The following INSL6 variants were observed in gnomAD, a reference collection of about 807,000 sequenced individuals.
The protein encoded by INSL6 is insulin-like peptide INSL6.
In INSL6, 16 loss-of-function variants were observed where a neutral mutation model predicts 9.4. The observed-to-expected ratio is 1.70, with a 90% CI of 1.15 to 2.59. INSL6 has a LOEUF of 2.59. Ranked by LOEUF, INSL6 falls within the 30% of genes most tolerant of loss-of-function variation. INSL6 has a pLI of 0.00. For synonymous variants in INSL6, 154 were observed against 96.9 expected (o/e 1.59, Z -3.46); for missense variants, 391 against 257.3 (o/e 1.52, Z -3.56).
chr9:5,167,088 G>A (rs537549793), intron 1 of INSL6, among the ~76,000 whole-genome samples: 4 of 152,192 alleles, frequency 2.6e-5, no homozygotes, highest in African/African-American at 7.2e-5. Flanking sequence ...TAGGAGGTTG[G>A]CGTGACTCAG....
intron 3 of INSL6, chr9:5,126,102 T>A (rs1823976359): frequency 2.7e-6 from 1 of 373,188 alleles, no homozygotes; most frequent in East Asian, 4.2e-5. Context: ...TTTTGAGCCC[T>A]CCTCAGGGGA....
the INSL6 span, among the ~76,000 whole-genome samples, chr9:4,998,546 T>C: frequency 6.6e-5 from 10 of 151,966 alleles, no homozygotes; most frequent in South Asian, 2.1e-4. Context: ...TGAGCCACCA[T>C]GCCCGGCCAA....
At chr9:5,064,360 T>C in the INSL6 span, among the ~76,000 whole-genome samples, 1 of 152,138 alleles carries the variant, frequency 6.6e-6, no homozygotes. Flanking sequence ...CGAGAACCTG[T>C]CTTTACTAAA....
chr9:5,128,118 G>A (rs1032506824), intron 3 of INSL6: 1 of 203,128 alleles, frequency 4.9e-6, no homozygotes, highest in Non-Finnish European at 9.6e-6. Flanking sequence ...GTGTGTGTGT[G>A]TGTTATTTAT....
At chr9:4,999,062 T>C in the INSL6 span, among the ~76,000 whole-genome samples, 4 of 152,076 alleles carry the variant, frequency 2.6e-5, no homozygotes, top group African/African-American at 7.2e-5. Context: ...CCTGACCTTG[T>C]GATCCACCTG....
intron 1 of INSL6, among the ~76,000 whole-genome samples, chr9:5,181,619 T>G (rs1162486790): frequency 6.6e-6 from 1 of 152,176 alleles, no homozygotes; most frequent in African/African-American, 2.4e-5. Context: ...CTTAATTATA[T>G]AAAAGTTAAG....
At chr9:5,112,164 A>G in the INSL6 span, 1 of 276,762 alleles carries the variant, frequency 3.6e-6, no homozygotes, top group Non-Finnish European at 7.3e-6. Context: ...ACACGCTGCT[A>G]CCCGGCCACC....
chr9:5,135,306 A>C (rs1824370240), intron 2 of INSL6, among the ~76,000 whole-genome samples: 2 of 152,118 alleles, frequency 1.3e-5, no homozygotes, highest in Non-Finnish European at 2.9e-5. Context: ...GATATCCAGG[A>C]CTTGAACTCA....
intron 3 of INSL6, among the ~76,000 whole-genome samples, chr9:5,128,720 C>CT (rs1379529915): frequency 6.6e-6 from 1 of 151,866 alleles, no homozygotes; most frequent in Non-Finnish European, 1.5e-5. Context: ...CAAGAGACTT[C>CT]TTTTCATTGA....
At chr9:5,025,537 C>CTT in the INSL6 span, among the ~76,000 whole-genome samples, 1 of 120,752 alleles carries the variant, frequency 8.3e-6, no homozygotes, top group Admixed American at 8.0e-5. Flanking sequence ...GAGTTTGTTT[C>CTT]CTTTTTTTTT....
chr9:5,066,162 G>T, the INSL6 span, among the ~76,000 whole-genome samples: 2 of 152,092 alleles, frequency 1.3e-5, no homozygotes, highest in Non-Finnish European at 2.9e-5. Flanking sequence ...TTCTTTCAGG[G>T]TGTGCAGCTT....
the INSL6 span, chr9:5,114,900 G>A: frequency 5.1e-6 from 1 of 194,722 alleles, no homozygotes; most frequent in South Asian, 9.2e-5. Flanking sequence ...ATGACCCCAG[G>A]AAGCCACCCC....
At chr9:5,076,565 G>T in the INSL6 span, among the ~76,000 whole-genome samples, 1 of 152,046 alleles carries the variant, frequency 6.6e-6, no homozygotes, top group Non-Finnish European at 1.5e-5. Context: ...ACACTAAATA[G>T]ACTCCATTAT....
chr9:5,147,047 G>A lies in INSL6; in HGVS notation c.377-13455C>T, dbSNP rs368084615. Among the ~76,000 whole-genome samples the A allele has an allele frequency of 5.2e-4, 79 of 152,264 alleles. 1 individual carries two copies. The South Asian group carries it at 0.016, about 31-fold the overall frequency. ...GTCCAACAGTTTCCCTAGAACTAAA[G>A]TCTCTTATGGGAGCAAGCCAAGCCT... On this transcript the variant is annotated intron_variant, in intron 2 of 3. Coordinates refer to the INSL6 transcript ENST00000649639.
chr9:5,092,652 T>C, the INSL6 span, among the ~76,000 whole-genome samples: 1 of 152,136 alleles, frequency 6.6e-6, no homozygotes, highest in Non-Finnish European at 1.5e-5. Flanking sequence ...CTGCATAAAG[T>C]ATTAAGTAGA....
the INSL6 span, among the ~76,000 whole-genome samples, chr9:5,014,374 A>G: frequency 1.3e-5 from 2 of 152,244 alleles, no homozygotes; most frequent in South Asian, 2.1e-4. Flanking sequence ...CAGCTTTTAT[A>G]TACTCTTCAT....
the INSL6 span, among the ~76,000 whole-genome samples, chr9:5,104,037 A>G: frequency 2.0e-5 from 3 of 152,238 alleles, no homozygotes; most frequent in African/African-American, 4.8e-5. Flanking sequence ...CAAATTCAAA[A>G]GCTAGCAGAA....
At chr9:5,045,388 C>T in the INSL6 span, among the ~76,000 whole-genome samples, 4 of 152,100 alleles carry the variant, frequency 2.6e-5, no homozygotes, top group Non-Finnish European at 5.9e-5. Context: ...ATGAGACCAA[C>T]AAACTTTATT....
At chr9:5,071,346 T>G in the INSL6 span, among the ~76,000 whole-genome samples, 1 of 151,978 alleles carries the variant, frequency 6.6e-6, no homozygotes, top group Admixed American at 6.6e-5. Context: ...AACATCAAAA[T>G]TAGAACTCCA....
Sources: allele counts gnomAD v4.1 joint callset (sites outside exome capture counted in the v4.1 genomes callset), GRCh38; gene constraint gnomAD v4.1.1; transcripts MANE v1.5; gene names NCBI Gene and HGNC (gene_info 2026-07-23, HGNC 2026-07-21).